KIAA1217: variants seen among roughly 807,000 people sequenced by gnomAD.
KIAA1217 encodes the protein KIAA1217.
Under a neutral mutation model 163.9 loss-of-function variants are expected in KIAA1217, and 88 were observed. That is an observed-to-expected ratio of 0.54 (90% CI 0.45 to 0.64). The LOEUF is 0.64. KIAA1217 is among the 30% of genes least tolerant of loss of function. The probability of loss-of-function intolerance (pLI) is 0.00; values close to 1 mark genes in which losing one functional copy is unlikely to be tolerated. For missense variants in KIAA1217, 2,372 were observed against 2,475.0 expected (o/e 0.96, Z 0.88); for synonymous variants, 903 against 923.1 (o/e 0.98, Z 0.39).
At chr10:24,536,481 C>CT (rs1331136434) in intron 16 of KIAA1217, among the ~76,000 whole-genome samples, 1 of 152,064 alleles carries the variant, frequency 6.6e-6, no homozygotes, top group Admixed American at 6.5e-5. Context: ...AGAAGCCCTC[C>CT]TAAGTACCAA....
intron 3 of KIAA1217, among the ~76,000 whole-genome samples, chr10:24,400,245 G>A (rs900373277): frequency 1.3e-5 from 2 of 152,218 alleles, no homozygotes; most frequent in African/African-American, 4.8e-5. Context: ...ATGAAGCCTG[G>A]ACTTATACTA....
intron 2 of KIAA1217, among the ~76,000 whole-genome samples, chr10:24,186,082 A>G (rs1270028417): frequency 6.6e-6 from 1 of 152,114 alleles, no homozygotes; most frequent in African/African-American, 2.4e-5. Context: ...TTATTTTTAA[A>G]TGGTCATTGC....
At chr10:23,817,377 A>C (rs1338826688) in intron 1 of KIAA1217, among the ~76,000 whole-genome samples, 2 of 152,220 alleles carry the variant, frequency 1.3e-5, no homozygotes. Flanking sequence ...AGAAGTTTAA[A>C]GTCTTCACTT....
intron 3 of KIAA1217, among the ~76,000 whole-genome samples, chr10:24,382,839 C>CTTTTTT (rs1251130955): frequency 2.7e-5 from 3 of 112,326 alleles, no homozygotes; most frequent in East Asian, 2.5e-4. Context: ...TGTGGTTTTT[C>CTTTTTT]TTTTCTTTTT....
rs1419214513 is a variant in KIAA1217 at position 23,790,473 on chromosome 10, AC to A, written c.-321+95240del. On this transcript the variant is annotated intron_variant, in intron 1 of 18. Transcript: ENST00000376462. ...TATACATGTGCATATATACATATAT[AC>A]ATGTGCATATATACATATATACATG... Among the ~76,000 whole-genome samples, 4 of 112,394 alleles carry A rather than the reference AC, an allele frequency of 3.6e-5. 1 individual carries two copies. The highest frequency in any genetic ancestry group is 3.5e-5 in the Non-Finnish European group (2 of 57,796). The allele number at this position is 112,394 out of a possible 152,430, so 73.7% of individuals were successfully genotyped here. A position where few individuals can be genotyped will look rare whatever the true frequency, so the allele number is the denominator to read the frequency against.
intron 1 of KIAA1217, among the ~76,000 whole-genome samples, chr10:23,836,433 C>T (rs1838453601): frequency 6.6e-6 from 1 of 151,602 alleles, no homozygotes; most frequent in Non-Finnish European, 1.5e-5. Context: ...AGCAGACCGC[C>T]ATGCAGGAGC....
At position 24,123,707 on chromosome 10, in the gene KIAA1217, G is replaced by A. The variant is rs529772678; in HGVS notation, c.-170-95919G>A. ...ATTAAATCAGAATCTGTGGAGACTC[G>A]AAAATGGTATTTGTGTAAAGCTCCC... On this transcript the variant is annotated intron_variant, in intron 2 of 18. Transcript: ENST00000376462. Among the ~76,000 whole-genome samples the A allele has an allele frequency of 6.6e-5, 10 of 152,236 alleles. No individual in the cohort carries two copies. In the South Asian group the frequency reaches 1.2e-3, roughly 19 times the overall value.
At chr10:24,096,850 T>C (rs1257238962) in intron 2 of KIAA1217, among the ~76,000 whole-genome samples, 1 of 152,200 alleles carries the variant, frequency 6.6e-6, no homozygotes, top group Non-Finnish European at 1.5e-5. Flanking sequence ...ACCCCTCTTC[T>C]CTAAAAGGCA....
chr10:24,420,866 C>T (rs1047496216), intron 3 of KIAA1217, among the ~76,000 whole-genome samples: 3 of 152,174 alleles, frequency 2.0e-5, no homozygotes, highest in African/African-American at 4.8e-5. Context: ...TGTTTCATTG[C>T]GTAGTCTTGT....
chr10:24,179,073 G>A (rs1009308169), intron 2 of KIAA1217, among the ~76,000 whole-genome samples: 12 of 152,192 alleles, frequency 7.9e-5, no homozygotes, highest in Admixed American at 7.2e-4. Context: ...AGGAGAAAGT[G>A]TTTATCTCCC....
intron 1 of KIAA1217, among the ~76,000 whole-genome samples, chr10:23,809,818 G>A (rs1836910239): frequency 6.6e-6 from 1 of 151,952 alleles, no homozygotes; most frequent in Admixed American, 6.6e-5. Context: ...ATGCTGGATA[G>A]CAACACATGT....
At chr10:24,414,585 T>C (rs912373102) in intron 3 of KIAA1217, among the ~76,000 whole-genome samples, 1 of 152,182 alleles carries the variant, frequency 6.6e-6, no homozygotes, top group Non-Finnish European at 1.5e-5. Flanking sequence ...CTTCTACCTC[T>C]GTATGTAATG....
At chr10:24,395,211 C>A (rs193170094) in intron 3 of KIAA1217, among the ~76,000 whole-genome samples, 3 of 152,284 alleles carry the variant, frequency 2.0e-5, no homozygotes, top group Admixed American at 2.0e-4. Flanking sequence ...ACCTCTCCCC[C>A]ATTCTTTGCT....
intron 2 of KIAA1217, among the ~76,000 whole-genome samples, chr10:24,174,956 C>T (rs982202856): frequency 6.6e-6 from 1 of 152,018 alleles, no homozygotes; most frequent in Non-Finnish European, 1.5e-5. Flanking sequence ...CTCCCGGGTT[C>T]AACTGATTCT....
chr10:23,904,335 C>T (rs1318152590), intron 1 of KIAA1217, among the ~76,000 whole-genome samples: 1 of 152,132 alleles, frequency 6.6e-6, no homozygotes, highest in Admixed American at 6.5e-5. Flanking sequence ...ATGATTTTAA[C>T]AGATACCCGC....
chr10:24,398,697 G>A (rs929422491), intron 3 of KIAA1217, among the ~76,000 whole-genome samples: 10 of 151,930 alleles, frequency 6.6e-5, no homozygotes, highest in Non-Finnish European at 1.3e-4. Context: ...TGGGCCGCCC[G>A]CATGCACAGT....
At chr10:24,459,717 G>A (rs2062167049) in intron 5 of KIAA1217, among the ~76,000 whole-genome samples, 1 of 151,960 alleles carries the variant, frequency 6.6e-6, no homozygotes. Context: ...GAGGCAAGGA[G>A]TTTGAGGCCA....
chr10:24,355,520 C>T (rs2048974222), intron 2 of KIAA1217, among the ~76,000 whole-genome samples: 1 of 151,926 alleles, frequency 6.6e-6, no homozygotes, highest in South Asian at 2.1e-4. Flanking sequence ...CTAATCCCAT[C>T]ACAAGGGCTC....
At chr10:24,521,044 T>G (rs1360968606) in intron 11 of KIAA1217, among the ~76,000 whole-genome samples, 6 of 130,312 alleles carry the variant, frequency 4.6e-5, no homozygotes, top group African/African-American at 1.1e-4. Flanking sequence ...AAAAAAAAGT[T>G]TTTTTTTTTT....
Sources: allele counts gnomAD v4.1 joint callset (sites outside exome capture counted in the v4.1 genomes callset), GRCh38; gene constraint gnomAD v4.1.1; transcripts MANE v1.5; gene names NCBI Gene and HGNC (gene_info 2026-07-23, HGNC 2026-07-21).